The following MRTFA variants were observed in gnomAD, a reference collection of about 807,000 sequenced individuals.
MRTFA encodes myocardin-related transcription factor A.
A neutral mutation model predicts 83.5 loss-of-function variants in MRTFA; 20 were observed. The observed-to-expected ratio is 0.24, with a 90% CI of 0.17 to 0.35. The LOEUF (loss-of-function observed/expected upper bound fraction) is 0.35. Among genes scored for constraint, MRTFA ranks in the 10% least tolerant of loss-of-function variants. The pLI, the probability that MRTFA is intolerant of heterozygous loss-of-function variation, is 1.00. For missense variants in MRTFA, 1,200 were observed against 1,224.7 expected, an observed-to-expected ratio of 0.98 and a Z score of 0.30; for synonymous variants, 659 against 541.2, an observed-to-expected ratio of 1.22 and a Z score of -3.02.
In MRTFA at chr22:40,539,754, G is replaced by A. The variant is rs187589961; in HGVS notation, c.241+12352C>T. On this transcript the variant is annotated intron_variant, in intron 3 of 14. Coordinates refer to ENST00000355630, the MANE Select transcript of MRTFA (RefSeq NM_020831.6). The stretch of plus-strand genomic sequence containing the variant: ...CTTGACCTCGTGATCCGCCTGCCTC[G>A]GCCTCCCAAAGTGCTGGGATTACAG... Among the ~76,000 whole-genome samples, 1,127 of 151,934 alleles carry A rather than the reference G, an allele frequency of 7.4e-3. 24 individuals carry two copies. The Middle Eastern group carries it at 0.075, about 10-fold the overall frequency.
intron 7 of MRTFA, among the ~76,000 whole-genome samples, chr22:40,424,939 C>T (rs1334056460): frequency 6.6e-6 from 1 of 152,196 alleles, no homozygotes; most frequent in Non-Finnish European, 1.5e-5. Flanking sequence ...AGGAGCCTGG[C>T]TCTGGGCTTC....
At chr22:40,587,402 C>T (rs373670312) in intron 2 of MRTFA, 10 of 361,626 alleles carry the variant, frequency 2.8e-5, no homozygotes, top group South Asian at 1.6e-4. Flanking sequence ...GGGTCCCTTG[C>T]GCTGGATACG....
At position 40,552,086 on chromosome 22, in the gene MRTFA, A is replaced by C; in HGVS notation, c.241+20T>G. ...ATCCTGGTTCAAATCAGGGAATGCA[A>C]TAATTCTGTATCTACTCACCATTCT... On this transcript the variant is annotated intron_variant, in intron 3 of 14. Coordinates refer to ENST00000355630, the MANE Select transcript of MRTFA (RefSeq NM_020831.6). The C allele has an allele frequency of 2.5e-6, 1 of 398,344 alleles. No homozygotes were observed. The highest frequency in any genetic ancestry group is 4.4e-6 in the Non-Finnish European group (1 of 225,874). 24.7% of individuals were successfully genotyped at this position (398,344 alleles called of 1,614,324 possible). A position where few individuals can be genotyped will look rare whatever the true frequency, so the allele number is the denominator to read the frequency against.
At chr22:40,479,345 A>T (rs1158039816) in intron 3 of MRTFA, among the ~76,000 whole-genome samples, 1 of 152,020 alleles carries the variant, frequency 6.6e-6, no homozygotes, top group Non-Finnish European at 1.5e-5. Context: ...TGATCAAATC[A>T]ATCTGTGAGC....
Position 40,424,314 on chromosome 22 carries a change from T to C in MRTFA, c.669A>G (p.Leu223=). ...CATGGCTGGCAGGCTGCTCGGGGGA[T>C]AAGGCATCGCTGCTGTCCTCATCGA... The change falls in exon 8 of 15, where the codon TTA becomes TTG. Residue 223 remains leucine, a synonymous_variant. Coordinates refer to ENST00000355630, the MANE Select transcript of MRTFA (RefSeq NM_020831.6). The C allele has an allele frequency of 6.2e-7, 1 of 1,612,776 alleles. No homozygotes were observed. Among genetic ancestry groups the C allele is most frequent in the East Asian group, 2.2e-5 (1 of 44,696 alleles).
intron 2 of MRTFA, among the ~76,000 whole-genome samples, chr22:40,590,974 A>C (rs1384305363): frequency 1.3e-5 from 2 of 152,028 alleles, no homozygotes; most frequent in African/African-American, 4.8e-5. Flanking sequence ...TCTACCAAAA[A>C]AATACAAAAA....
Position 40,418,392 on chromosome 22 carries a change from G to A in MRTFA, c.2346C>T (p.Ser782=), listed in dbSNP as rs1274122986. Reference sequence around the variant, plus strand: ...CAGGTACCTGCTGGGGGCTCCCACTGGACAGGCCAGGGCTGTCTGCATTCT... The same window carrying A: ...CAGGTACCTGCTGGGGGCTCCCACTAGACAGGCCAGGGCTGTCTGCATTCT... The change falls in exon 12 of 15, where the codon TCC becomes TCT. Residue 782 remains serine, a synonymous_variant. Coordinates refer to ENST00000355630, the MANE Select transcript of MRTFA (RefSeq NM_020831.6). 6.8e-6 allele frequency: 11 copies of A among 1,613,838 alleles called. No individual in the cohort carries two copies. Among genetic ancestry groups the A allele is most frequent in the Non-Finnish European group, 8.5e-6 (10 of 1,179,810 alleles).
At chr22:40,450,218 G>A (rs2053461229) in intron 4 of MRTFA, among the ~76,000 whole-genome samples, 1 of 152,168 alleles carries the variant, frequency 6.6e-6, no homozygotes, top group Non-Finnish European at 1.5e-5. Context: ...AGACAACTCT[G>A]AGAGGATGTG....
At chr22:40,558,282 G>A (rs909503394) in intron 2 of MRTFA, among the ~76,000 whole-genome samples, 11 of 121,782 alleles carry the variant, frequency 9.0e-5, no homozygotes, top group Non-Finnish European at 1.4e-4. Context: ...TTTGCAAGGG[G>A]TTGGGGAGAT....
chr22:40,527,933 G>A (rs2147270541), intron 3 of MRTFA, among the ~76,000 whole-genome samples: 1 of 152,116 alleles, frequency 6.6e-6, no homozygotes, highest in South Asian at 2.1e-4. Flanking sequence ...GAAAAAAAAA[G>A]ATGCAGACTG....
chr22:40,420,758 G>A (rs2147073374), intron 10 of MRTFA, 89 bp downstream of exon 10: 1 of 1,577,392 alleles, frequency 6.3e-7, no homozygotes, highest in East Asian at 2.2e-5. Context: ...CCTTAAAGAT[G>A]TGAGGTTCAC....
intron 1 of MRTFA, among the ~76,000 whole-genome samples, chr22:40,612,427 C>A (rs1293708239): frequency 6.6e-6 from 1 of 152,212 alleles, no homozygotes; most frequent in Admixed American, 6.5e-5. Flanking sequence ...ACAGTACACA[C>A]ATGTGTGGCA....
intron 2 of MRTFA, among the ~76,000 whole-genome samples, chr22:40,554,273 G>A: frequency 6.6e-6 from 1 of 152,128 alleles, no homozygotes; most frequent in East Asian, 1.9e-4. Context: ...GAAATGTGAA[G>A]ACCTGTGATT....
rs117989855 is a variant in MRTFA, at chr22:40,451,200, G to A, written c.307+12021C>T. On this transcript the variant is annotated intron_variant, in intron 4 of 14. Transcript: ENST00000355630. ...TCCATTTTTTGTCTTTCTGTTTTTA[G>A]CTGACACACTAAAAATGCCTACAAA... Among the ~76,000 whole-genome samples the A allele has an allele frequency of 1.8e-4, 28 of 152,158 alleles. No individual in the cohort carries two copies. In the East Asian group the frequency reaches 4.6e-3, roughly 25 times the overall value.
intron 4 of MRTFA, among the ~76,000 whole-genome samples, chr22:40,460,474 CTTTAT>C (rs1022226405): frequency 6.6e-6 from 1 of 152,160 alleles, no homozygotes. Context: ...CTGAATTGCT[CTTTAT>C]TTTGTGTATG....
At chr22:40,458,800 G>A (rs900236902) in intron 4 of MRTFA, among the ~76,000 whole-genome samples, 13 of 152,176 alleles carry the variant, frequency 8.5e-5, no homozygotes, top group Admixed American at 3.9e-4. Flanking sequence ...CAGGCTGGCC[G>A]GGCGTGGAGG....
At chr22:40,603,734 C>G (rs1430798823) in intron 1 of MRTFA, among the ~76,000 whole-genome samples, 1 of 150,040 alleles carries the variant, frequency 6.7e-6, no homozygotes, top group Admixed American at 6.6e-5. Flanking sequence ...TAATATTAAA[C>G]AAGATTGGTC....
rs2052811147 is a variant in MRTFA at position 40,420,564 on chromosome 22, C to G, written c.1194G>C (p.Glu398Asp). ...GGGGGGTCCCGCTGCTTCCCAGGGCCTCGCCTGCTGACCTGGGAAGAAAAG... is the reference window on the plus strand; with the variant it reads ...GGGGGGTCCCGCTGCTTCCCAGGGCGTCGCCTGCTGACCTGGGAAGAAAAG... The change falls in exon 11 of 15, where the codon GAG (glutamate) becomes GAC (aspartate). Residue 398 changes from glutamate (E) to aspartate (D), a missense_variant. Transcript: ENST00000355630. The G allele has an allele frequency of 9.3e-6, 15 of 1,613,346 alleles. No homozygotes were observed. The highest frequency in any genetic ancestry group is 1.1e-5 in the Non-Finnish European group (13 of 1,179,950).
intron 1 of MRTFA, among the ~76,000 whole-genome samples, chr22:40,623,620 G>A (rs900175787): frequency 2.0e-5 from 3 of 152,140 alleles, no homozygotes; most frequent in Admixed American, 2.0e-4. Flanking sequence ...AGAAAAGACA[G>A]ATATGCTCCC....
Sources: allele counts gnomAD v4.1 joint callset (sites outside exome capture counted in the v4.1 genomes callset), GRCh38; gene constraint gnomAD v4.1.1; transcripts MANE v1.5; gene names NCBI Gene and HGNC (gene_info 2026-07-23, HGNC 2026-07-21).